INVS: variants seen among roughly 807,000 people sequenced by gnomAD.
INVS encodes the protein inversin, also known as inversion of embryo turning homolog.
Under a neutral mutation model 108.8 loss-of-function variants are expected in INVS, and 86 were observed. The observed-to-expected ratio is 0.79, with a 90% CI of 0.66 to 0.95. INVS has a LOEUF of 0.95. Ranked by LOEUF, INVS falls within the 40% of genes least tolerant of loss-of-function variation. INVS has a pLI of 0.00. For synonymous variants in INVS, 455 were observed against 473.5 expected, an observed-to-expected ratio of 0.96 and a Z score of 0.51; for missense variants, 1,169 against 1,297.4, an observed-to-expected ratio of 0.90 and a Z score of 1.52.
At chr9:100,116,658 C>G (rs554997091) in intron 2 of INVS, 2 of 360,540 alleles carry the variant, frequency 5.5e-6, no homozygotes, top group South Asian at 2.9e-4. Flanking sequence ...AGATTTTCAC[C>G]TTCAATTGCT....
At chr9:100,162,303 A>C (rs1161017150) in intron 3 of INVS, among the ~76,000 whole-genome samples, 1 of 152,182 alleles carries the variant, frequency 6.6e-6, no homozygotes, top group African/African-American at 2.4e-5. Flanking sequence ...TGACAAGCAC[A>C]TCTATTATTT....
At chr9:100,197,284 A>T (rs1830406872) in intron 3 of INVS, among the ~76,000 whole-genome samples, 1 of 152,224 alleles carries the variant, frequency 6.6e-6, no homozygotes, top group Admixed American at 6.5e-5. Context: ...GGTTGAAGAG[A>T]TACATGGTCT....
intron 2 of INVS, among the ~76,000 whole-genome samples, chr9:100,110,919 T>A (rs1482802827): frequency 6.6e-6 from 1 of 152,214 alleles, no homozygotes; most frequent in East Asian, 1.9e-4. Flanking sequence ...ATGTTATTAT[T>A]ATTCTCATTT....
chr9:100,118,436 T>C (rs2118868723), intron 2 of INVS, among the ~76,000 whole-genome samples: 1 of 152,016 alleles, frequency 6.6e-6, no homozygotes, highest in African/African-American at 2.4e-5. Flanking sequence ...CTCGGACTCC[T>C]GGCCTCAAGT....
chr9:100,214,748 A>G (rs1292105997), intron 3 of INVS, among the ~76,000 whole-genome samples: 7 of 152,254 alleles, frequency 4.6e-5, no homozygotes, highest in African/African-American at 7.2e-5. Flanking sequence ...TAGCAAGCAC[A>G]TGGTCAGAGA....
chr9:100,184,484 C>T (rs1190445220), intron 3 of INVS, among the ~76,000 whole-genome samples: 1 of 152,082 alleles, frequency 6.6e-6, no homozygotes, highest in Non-Finnish European at 1.5e-5. Flanking sequence ...AAAGTCCTCA[C>T]CATTTTGTAA....
chr9:100,283,398 C>T (rs1206252878), intron 12 of INVS, among the ~76,000 whole-genome samples: 4 of 152,194 alleles, frequency 2.6e-5, no homozygotes, highest in African/African-American at 9.7e-5. Context: ...GAAGATTCCT[C>T]AGGAGAGGAC....
rs2118800763 is a variant in INVS at position 100,300,787 on chromosome 9, G to C, written c.*113G>C. On this transcript the variant is annotated 3_prime_UTR_variant, in exon 17 of 17. Coordinates refer to ENST00000262457, the MANE Select transcript of INVS (RefSeq NM_014425.5). ...GAAAACTTTAATATCCGTACCTGAAGGCTGATTCACCTAAAAATGTGTTAA... is the reference window on the plus strand; with the variant it reads ...GAAAACTTTAATATCCGTACCTGAACGCTGATTCACCTAAAAATGTGTTAA... The C allele has an allele frequency of 1.4e-6, 1 of 738,528 alleles. No homozygotes were observed. The highest frequency in any genetic ancestry group is 2.7e-5 in the East Asian group (1 of 37,552). 45.7% of individuals were successfully genotyped at this position (738,528 alleles called of 1,614,324 possible). A position where few individuals can be genotyped will look rare whatever the true frequency, so the allele number is the denominator to read the frequency against.
At chr9:100,114,209 C>G (rs917745788) in intron 2 of INVS, among the ~76,000 whole-genome samples, 1 of 151,988 alleles carries the variant, frequency 6.6e-6, no homozygotes, top group Non-Finnish European at 1.5e-5. Flanking sequence ...AGATAAAGAA[C>G]AATTCTATCA....
chr9:100,203,148 G>A (rs1176596853), intron 3 of INVS, among the ~76,000 whole-genome samples: 1 of 152,192 alleles, frequency 6.6e-6, no homozygotes, highest in Non-Finnish European at 1.5e-5. Flanking sequence ...AGTATTTGGT[G>A]AGCCATTGTG....
Position 100,184,330 on chromosome 9 carries a change from G to A in INVS, c.274-41732G>A, listed in dbSNP as rs866667590. On this transcript the variant is annotated intron_variant, in intron 3 of 16. Coordinates refer to ENST00000262457, the MANE Select transcript of INVS (RefSeq NM_014425.5). Reference sequence around the variant, plus strand: ...TGCTAAATCAAAGTTATTGGATGTAGTTGTATAAGAGAGAAGTATATGTTG... The same window carrying A: ...TGCTAAATCAAAGTTATTGGATGTAATTGTATAAGAGAGAAGTATATGTTG... 8.5e-5 allele frequency among the ~76,000 whole-genome samples: 13 copies of A among 152,260 alleles called. 1 individual carries two copies. Among genetic ancestry groups the A allele is most frequent in the Admixed American group, 4.6e-4 (7 of 15,278 alleles).
At position 100,252,922 on chromosome 9, in the gene INVS, A is replaced by T. The variant is rs1219500696; in HGVS notation, c.1250A>T (p.Asp417Val). 3 of 1,613,442 alleles carry T rather than the reference A, an allele frequency of 1.9e-6. No homozygotes were observed. The African/African-American group carries it at 4.0e-5, about 22-fold the overall frequency. The change falls in exon 10 of 17, where the codon GAT (aspartate) becomes GTT (valine). Residue 417 changes from aspartate (D) to valine (V), a missense_variant. By Grantham distance (152) the Asp-to-Val change is radical. Around this residue, in one of 3 missense-constraint regions of INVS, gnomAD observed 271 missense variants for 363.8 expected, o/e 0.74. Transcript: ENST00000262457. ...QTLIKGGARV[D>V]LVDQDGHSLL... The stretch of plus-strand genomic sequence containing the variant: ...GCTTTTCCAGGTGGAGCAAGGGTAG[A>T]TCTAGTTGACCAAGATGGACATTCT...
chr9:100,168,452 G>C (rs559403584), intron 3 of INVS, among the ~76,000 whole-genome samples: 1 of 152,190 alleles, frequency 6.6e-6, no homozygotes. Flanking sequence ...CAGATAAAGT[G>C]CTGTCTAATT....
intron 3 of INVS, among the ~76,000 whole-genome samples, chr9:100,179,840 A>G (rs1829827376): frequency 6.6e-6 from 1 of 152,218 alleles, no homozygotes; most frequent in African/African-American, 2.4e-5. Flanking sequence ...CAGAATATAC[A>G]TTCTTCTCAG....
chr9:100,186,619 G>T lies in INVS; in HGVS notation c.274-39443G>T, dbSNP rs913431343. 2.0e-5 allele frequency among the ~76,000 whole-genome samples: 3 copies of T among 152,110 alleles called. No homozygotes were observed. In the South Asian group the frequency reaches 6.2e-4, roughly 31 times the overall value. On this transcript the variant is annotated intron_variant, in intron 3 of 16. Coordinates refer to ENST00000262457, the MANE Select transcript of INVS (RefSeq NM_014425.5). The stretch of plus-strand genomic sequence containing the variant: ...TTTAATTTGCATTTCCTGATGATTA[G>T]TGATGTTTAGCATTTTTTCCAGATG...
intron 3 of INVS, among the ~76,000 whole-genome samples, chr9:100,137,866 C>G (rs1011015191): frequency 6.6e-6 from 1 of 152,092 alleles, no homozygotes; most frequent in African/African-American, 2.4e-5. Context: ...AAAATTGTAG[C>G]TGAATTCAAT....
At chr9:100,297,884 G>C in intron 15 of INVS, 52 bp from the exon 16 acceptor site, 1 of 1,600,890 alleles carries the variant, frequency 6.2e-7, no homozygotes, top group Non-Finnish European at 8.6e-7. Flanking sequence ...AAGTTGGTCA[G>C]GCCAAACGTA....
At chr9:100,100,322 A>G (rs916511564) in intron 1 of INVS, among the ~76,000 whole-genome samples, 1 of 151,652 alleles carries the variant, frequency 6.6e-6, no homozygotes, top group African/African-American at 2.4e-5. Flanking sequence ...AAGGCGGCCT[A>G]ACTCCTAGAC....
intron 11 of INVS, among the ~76,000 whole-genome samples, chr9:100,271,849 A>G (rs1445330305): frequency 6.7e-6 from 1 of 150,116 alleles, no homozygotes; most frequent in African/African-American, 2.4e-5. Flanking sequence ...AGATTTGTCA[A>G]TCTTCTTTTA....
Sources: allele counts gnomAD v4.1 joint callset (sites outside exome capture counted in the v4.1 genomes callset), GRCh38; gene constraint gnomAD v4.1.1; regional missense constraint gnomAD v4.1.1; transcripts MANE v1.5; gene names NCBI Gene and HGNC (gene_info 2026-07-23, HGNC 2026-07-21).